TRAPPC9: variants seen among roughly 807,000 people sequenced by gnomAD.
The protein encoded by TRAPPC9 is trafficking protein particle complex subunit 9, also known as IKK2 binding protein.
Under a neutral mutation model 124.0 loss-of-function variants are expected in TRAPPC9, and 83 were observed. The observed-to-expected ratio is 0.67, with a 90% CI of 0.56 to 0.80. The LOEUF (loss-of-function observed/expected upper bound fraction) is 0.80. Among genes scored for constraint, TRAPPC9 ranks in the 30% least tolerant of loss-of-function variants. The pLI is 0.00. For missense variants in TRAPPC9, 1,302 were observed against 1,508.3 expected, an observed-to-expected ratio of 0.86 and a Z score of 2.27; for synonymous variants, 638 against 617.5, an observed-to-expected ratio of 1.03 and a Z score of -0.49.
At chr8:140,280,319 T>C (rs1463094231) in intron 14 of TRAPPC9, among the ~76,000 whole-genome samples, 1 of 152,246 alleles carries the variant, frequency 6.6e-6, no homozygotes, top group Non-Finnish European at 1.5e-5. Context: ...AAAATTCATC[T>C]TTCTAAACAG....
intron 21 of TRAPPC9, among the ~76,000 whole-genome samples, chr8:139,781,487 G>C (rs146288794): frequency 1.4e-4 from 21 of 152,332 alleles, no homozygotes; most frequent in Admixed American, 3.3e-4. Flanking sequence ...AGGATAAACA[G>C]GCAGAGAATA....
At chr8:140,302,921 C>A (rs6994545) in intron 10 of TRAPPC9, 2 of 151,988 alleles carry the variant, frequency 1.3e-5, no homozygotes, top group Non-Finnish European at 2.9e-5. Context: ...TTATCAGCTC[C>A]AAACAGCTCT....
At chr8:139,799,843 G>A (rs1488620421) in intron 21 of TRAPPC9, among the ~76,000 whole-genome samples, 1 of 152,216 alleles carries the variant, frequency 6.6e-6, no homozygotes, top group Non-Finnish European at 1.5e-5. Flanking sequence ...ACTGTGCCGA[G>A]CATGGGGCCA....
intron 17 of TRAPPC9, among the ~76,000 whole-genome samples, chr8:140,206,983 G>A (rs902852182): frequency 6.6e-6 from 1 of 152,226 alleles, no homozygotes; most frequent in Middle Eastern, 3.4e-3. Context: ...CTGCCTTCAC[G>A]GAGCTTGAAG....
intron 21 of TRAPPC9, among the ~76,000 whole-genome samples, chr8:139,796,782 G>A (rs1823131250): frequency 6.6e-6 from 1 of 152,180 alleles, no homozygotes. Flanking sequence ...GAAGTTCTGG[G>A]TCATACGGTA....
Position 140,252,942 on chromosome 8 carries a change from C to A in TRAPPC9, c.2279-13G>T. The A allele has an allele frequency of 1.2e-6, 2 of 1,613,362 alleles. No individual in the cohort carries two copies. The highest frequency in any genetic ancestry group is 1.7e-6 in the Non-Finnish European group (2 of 1,179,906). On this transcript the variant is annotated splice_polypyrimidine_tract_variant and intron_variant, in intron 15 of 22. Coordinates refer to ENST00000438773, the MANE Select transcript of TRAPPC9 (RefSeq NM_001160372.4). The surrounding 1 kb of genome is among the most constrained non-coding windows in gnomAD (Gnocchi z 4.2). ...CCATACAATTTTTCTGTAATAATAA[C>A]AATGACAGTGATGAGGATGCTGTAA...
intron 17 of TRAPPC9, among the ~76,000 whole-genome samples, chr8:140,195,278 CACACCTGTG>C (rs1439499436): frequency 1.3e-5 from 2 of 152,044 alleles, no homozygotes; most frequent in Non-Finnish European, 2.9e-5. Flanking sequence ...TCATACAGAT[CACACCTGTG>C]ACACCAAAAC....
chr8:139,947,715 A>T (rs907673846), intron 19 of TRAPPC9, among the ~76,000 whole-genome samples: 9 of 151,208 alleles, frequency 6.0e-5, no homozygotes, highest in East Asian at 1.9e-4. Context: ...AAAATAAAAA[A>T]AAATTAGCCG....
chr8:140,019,493 A>G (rs79305928), intron 18 of TRAPPC9, among the ~76,000 whole-genome samples: 3,207 of 110,160 alleles, frequency 0.029, 141 homozygotes, highest in African/African-American at 0.1. Context: ...ATGTGTGACT[A>G]TTTATTTTTT....
At chr8:140,174,525 T>C (rs944149252) in intron 17 of TRAPPC9, among the ~76,000 whole-genome samples, 9 of 152,142 alleles carry the variant, frequency 5.9e-5, no homozygotes, top group African/African-American at 2.2e-4. Flanking sequence ...ATTTCCATCA[T>C]CCCAAAAAGA....
At chr8:139,755,354 C>T (rs556539629) in intron 21 of TRAPPC9, among the ~76,000 whole-genome samples, 9 of 128,704 alleles carry the variant, frequency 7.0e-5, no homozygotes, top group African/African-American at 2.8e-4. Flanking sequence ...GGTATAAGGA[C>T]AGCAGGTCGC....
chr8:140,287,853 C>T lies in TRAPPC9; in HGVS notation c.1855-119G>A, dbSNP rs1478649302. On this transcript the variant is annotated intron_variant, in intron 12 of 22. Coordinates refer to ENST00000438773, the MANE Select transcript of TRAPPC9 (RefSeq NM_001160372.4). ...GGAACTGCTGGAATAAAATCACCAA[C>T]AGTCTTCACAGAGAACTTCGGAGAC... 13 of 1,401,418 alleles carry T rather than the reference C, an allele frequency of 9.3e-6. No individual in the cohort carries two copies. The East Asian group carries it at 2.8e-4, about 30-fold the overall frequency. 86.8% of individuals were successfully genotyped at this position (1,401,418 alleles called of 1,614,324 possible). A position where few individuals can be genotyped will look rare whatever the true frequency, so the allele number is the denominator to read the frequency against.
chr8:140,024,408 T>G (rs1444925711), intron 17 of TRAPPC9, among the ~76,000 whole-genome samples: 1 of 151,898 alleles, frequency 6.6e-6, no homozygotes, highest in Non-Finnish European at 1.5e-5. Context: ...TTTCTTTTTT[T>G]TTTTTTTGGA....
chr8:139,976,488 A>T (rs892122686), intron 19 of TRAPPC9, among the ~76,000 whole-genome samples: 2 of 152,118 alleles, frequency 1.3e-5, no homozygotes, highest in Non-Finnish European at 2.9e-5. Flanking sequence ...AGACTGGGAG[A>T]AGTATCTCTA....
chr8:140,009,754 CT>C lies in TRAPPC9; in HGVS notation c.2699+14182del, dbSNP rs199672067. On this transcript the variant is annotated intron_variant, in intron 18 of 22. Transcript: ENST00000438773. ...TCCAGCTTTTCATAGCACGTCCCCCCTGCTATGCTGATGTTTGCTGTCTACA... is the reference window on the plus strand; with the variant it reads ...TCCAGCTTTTCATAGCACGTCCCCCCGCTATGCTGATGTTTGCTGTCTACA... 3.1e-3 allele frequency among the ~76,000 whole-genome samples: 475 copies of C among 152,376 alleles called. 3 individuals are homozygous for C. Among genetic ancestry groups the C allele is most frequent in the African/African-American group, 0.011 (442 of 41,594 alleles).
In TRAPPC9 at chr8:140,283,336, C is replaced by T. The variant is rs1588089842; in HGVS notation, c.2114+553G>A. On this transcript the variant is annotated intron_variant, in intron 14 of 22. Coordinates refer to ENST00000438773, the MANE Select transcript of TRAPPC9 (RefSeq NM_001160372.4). The stretch of plus-strand genomic sequence containing the variant: ...TTGAGACGGAGTCTCGCTCTGTCGC[C>T]CAGGCTGGAGTGCAGTGGCGCGATC... Among the ~76,000 whole-genome samples the T allele has an allele frequency of 3.0e-5, 4 of 133,080 alleles. No individual in the cohort carries two copies. The Middle Eastern group carries it at 0.021, about 700-fold the overall frequency. The allele number at this position is 133,080 out of a possible 152,430, so 87.3% of individuals were successfully genotyped here.
At chr8:139,918,836 G>A (rs1411843392) in intron 19 of TRAPPC9, among the ~76,000 whole-genome samples, 3 of 152,218 alleles carry the variant, frequency 2.0e-5, no homozygotes, top group Admixed American at 6.5e-5. Flanking sequence ...ACGGCAGAAG[G>A]CAGTGCAAGA....
At chr8:140,159,401 C>T (rs1439739702) in intron 17 of TRAPPC9, among the ~76,000 whole-genome samples, 1 of 152,116 alleles carries the variant, frequency 6.6e-6, no homozygotes, top group East Asian at 1.9e-4. Flanking sequence ...TTGACCATCG[C>T]CCATGCAATT....
intron 9 of TRAPPC9, among the ~76,000 whole-genome samples, chr8:140,327,160 G>A (rs2066760457): frequency 6.6e-6 from 1 of 152,108 alleles, no homozygotes; most frequent in Admixed American, 6.5e-5. Context: ...GACTGAGACA[G>A]GAGAATTGCT....
Sources: allele counts gnomAD v4.1 joint callset (sites outside exome capture counted in the v4.1 genomes callset), GRCh38; gene constraint gnomAD v4.1.1; non-coding constraint Gnocchi (gnomAD v3.1); transcripts MANE v1.5; gene names NCBI Gene and HGNC (gene_info 2026-07-23, HGNC 2026-07-21).